The following HIP1 variants were observed in gnomAD, a reference collection of about 807,000 sequenced individuals.
HIP1 encodes the protein huntingtin-interacting protein 1.
HIP1 carries 65 observed loss-of-function variants against 147.6 expected under a neutral mutation model. The observed-to-expected ratio is 0.44, with a 90% confidence interval of 0.36 to 0.54. The LOEUF (loss-of-function observed/expected upper bound fraction) is 0.54, where lower values mean the gene tolerates loss of function less well. Among genes scored for constraint, HIP1 ranks in the 20% least tolerant of loss-of-function variants. The probability of loss-of-function intolerance (pLI) is 0.00; values close to 1 mark genes in which losing one functional copy is unlikely to be tolerated. For synonymous variants in HIP1, 479 were observed against 504.0 expected, an observed-to-expected ratio of 0.95 and a Z score of 0.67; for missense variants, 1,061 against 1,299.6, an observed-to-expected ratio of 0.82 and a Z score of 2.82.
rs116095526 is a variant in HIP1, at chr7:75,583,026, G to A, written c.466-875C>T. Among the ~76,000 whole-genome samples the A allele has an allele frequency of 5.7e-3, 873 of 152,106 alleles. 7 individuals are homozygous for A. The highest frequency in any genetic ancestry group is 0.02 in the African/African-American group (828 of 41,480). On this transcript the variant is annotated intron_variant, in intron 5 of 30. Coordinates refer to ENST00000336926, the MANE Select transcript of HIP1 (RefSeq NM_005338.7). ...CCATCACCTAAAACATCCCTGCCCA[G>A]ACCTCCCCACACCAGCATCTCCCTC... is the stretch of plus-strand genomic sequence containing the variant.
At position 75,595,224 on chromosome 7, in the gene HIP1, CT is replaced by C. The variant is rs1450142173; in HGVS notation, c.185-2711del. Among the ~76,000 whole-genome samples, 25 of 100,114 alleles carry C rather than the reference CT, an allele frequency of 2.5e-4. 1 individual carries two copies. The highest frequency in any genetic ancestry group is 9.9e-4 in the African/African-American group (20 of 20,260). 65.7% of individuals were successfully genotyped at this position (100,114 alleles called of 152,430 possible). Reference sequence around the variant, plus strand: ...TCTTTCTTTCTTTCTTTCTTTCTTTCTTTCTTTCTTTCTTTCTTTCTTTCTT... The same window carrying C: ...TCTTTCTTTCTTTCTTTCTTTCTTTCTTCTTTCTTTCTTTCTTTCTTTCTT... On this transcript the variant is annotated intron_variant, in intron 2 of 30. Coordinates refer to ENST00000336926, the MANE Select transcript of HIP1 (RefSeq NM_005338.7).
Position 75,554,588 on chromosome 7 carries a change from A to C in HIP1, c.1964-62T>G, listed in dbSNP as rs747310881. 3.8e-4 allele frequency: 463 copies of C among 1,228,430 alleles called. 2 individuals are homozygous for C. Among genetic ancestry groups the C allele is most frequent in the Non-Finnish European group, 5.3e-4 (445 of 833,560 alleles). The allele number at this position is 1,228,430 out of a possible 1,614,324, so 76.1% of individuals were successfully genotyped here. The stretch of plus-strand genomic sequence containing the variant: ...TCTCATAGCTGGCTTCATCCTCGTT[A>C]ATTAAGCACTGAATGGAGGAGCTTA... On this transcript the variant is annotated intron_variant, in intron 19 of 30. Transcript: ENST00000336926.
intron 1 of HIP1, among the ~76,000 whole-genome samples, chr7:75,649,477 C>A (rs1798905201): frequency 6.6e-6 from 1 of 152,136 alleles, no homozygotes; most frequent in Non-Finnish European, 1.5e-5. Context: ...ACCTCTGAAT[C>A]TGAGAGGGCA....
At chr7:75,573,702 G>A in intron 8 of HIP1, 59 bp downstream of exon 8, 2 of 1,553,064 alleles carry the variant, frequency 1.3e-6, no homozygotes, top group South Asian at 2.3e-5. Flanking sequence ...ACATCCTCAG[G>A]CTGGGATCCT....
rs67030357 is a variant in HIP1, at chr7:75,538,570, CTTTTTTTTTTTT to C, written c.3062-358_3062-347del. On this transcript the variant is annotated intron_variant, in intron 30 of 30. Coordinates refer to ENST00000336926, the MANE Select transcript of HIP1 (RefSeq NM_005338.7). ...TCCATTTCTCAGCACCTGATCCCTT[CTTTTTTTTTTTT>C]TTTTTTTTTTGAGATGGAGTCTCGC... 5.3e-5 allele frequency among the ~76,000 whole-genome samples: 6 copies of C among 112,932 alleles called. No homozygotes were observed. The East Asian group carries it at 7.3e-4, about 14-fold the overall frequency. The allele number at this position is 112,932 out of a possible 152,430, so 74.1% of individuals were successfully genotyped here.
At chr7:75,548,558 T>C (rs1468552342) in intron 23 of HIP1, among the ~76,000 whole-genome samples, 1 of 152,048 alleles carries the variant, frequency 6.6e-6, no homozygotes, top group African/African-American at 2.4e-5. Context: ...TGGCTCACTG[T>C]AGCCTCCAAT....
intron 1 of HIP1, among the ~76,000 whole-genome samples, chr7:75,609,742 GA>G (rs1342955530): frequency 3.2e-4 from 48 of 151,800 alleles, no homozygotes; most frequent in African/African-American, 1.2e-3. Context: ...ATTTTTAGAA[GA>G]GACGGGGTTT....
chr7:75,672,867 G>A (rs1799766862), intron 1 of HIP1, among the ~76,000 whole-genome samples: 1 of 152,038 alleles, frequency 6.6e-6, no homozygotes, highest in African/African-American at 2.4e-5. Flanking sequence ...GAAGAGTCTT[G>A]TCATCCTTGT....
chr7:75,582,462 G>A (rs587766911), intron 5 of HIP1, among the ~76,000 whole-genome samples: 35 of 152,302 alleles, frequency 2.3e-4, no homozygotes, highest in Admixed American at 2.2e-3. Context: ...AAGGGAAAAG[G>A]CCACAGAGAT....
chr7:75,598,038 C>T (rs1796815377), intron 2 of HIP1, among the ~76,000 whole-genome samples: 1 of 152,126 alleles, frequency 6.6e-6, no homozygotes, highest in African/African-American at 2.4e-5. Flanking sequence ...TTGTCTTCTT[C>T]CCCCTGGCAT....
At chr7:75,582,563 C>A (rs1554498819) in intron 5 of HIP1, among the ~76,000 whole-genome samples, 1 of 152,116 alleles carries the variant, frequency 6.6e-6, no homozygotes, top group Non-Finnish European at 1.5e-5. Context: ...GTAATCCCAG[C>A]ACTTTGGGGG....
Position 75,554,673 on chromosome 7 carries a change from G to A in HIP1, c.1964-147C>T, listed in dbSNP as rs587703055. 63 of 610,564 alleles carry A rather than the reference G, an allele frequency of 1.0e-4. 1 individual carries two copies. The South Asian group carries it at 1.2e-3, about 12-fold the overall frequency. 37.8% of individuals were successfully genotyped at this position (610,564 alleles called of 1,614,324 possible). A position where few individuals can be genotyped will look rare whatever the true frequency, so the allele number is the denominator to read the frequency against. On this transcript the variant is annotated intron_variant, in intron 19 of 30. Coordinates refer to ENST00000336926, the MANE Select transcript of HIP1 (RefSeq NM_005338.7). ...TCATGAGTAATCACCTCTTGATTCAGACCATAGTTTTTTCCTTAGAGAAAC... is the reference window on the plus strand; with the variant it reads ...TCATGAGTAATCACCTCTTGATTCAAACCATAGTTTTTTCCTTAGAGAAAC...
intron 1 of HIP1, among the ~76,000 whole-genome samples, chr7:75,660,337 G>C (rs900746656): frequency 6.6e-6 from 1 of 151,234 alleles, no homozygotes; most frequent in Non-Finnish European, 1.5e-5. Context: ...GACCAGCCTG[G>C]CCAACATGGC....
intron 1 of HIP1, among the ~76,000 whole-genome samples, chr7:75,724,979 G>A (rs937025704): frequency 6.6e-6 from 1 of 152,196 alleles, no homozygotes; most frequent in Non-Finnish European, 1.5e-5. Context: ...GTAAGGGGCA[G>A]GTTCTTAGAC....
At position 75,730,361 on chromosome 7, in the gene HIP1, C is replaced by T. The variant is rs1284279770; in HGVS notation, c.120+8440G>A. Among the ~76,000 whole-genome samples, 29 of 147,506 alleles carry T rather than the reference C, an allele frequency of 2.0e-4. 1 individual carries two copies. Among genetic ancestry groups the T allele is most frequent in the African/African-American group, 4.0e-4 (16 of 39,712 alleles). On this transcript the variant is annotated intron_variant, in intron 1 of 30. Transcript: ENST00000336926. ...ATAGGATTTTTTTTTTTTTTTGAGA[C>T]GGAGTTTCGCTCTTGTTGCCCAGGC... is the stretch of plus-strand genomic sequence containing the variant.
chr7:75,605,675 A>C (rs1045610894), intron 1 of HIP1, among the ~76,000 whole-genome samples: 10 of 152,088 alleles, frequency 6.6e-5, no homozygotes, highest in African/African-American at 2.4e-4. Flanking sequence ...TGGGATTATA[A>C]TAGTTGCACA....
intron 1 of HIP1, among the ~76,000 whole-genome samples, chr7:75,657,705 A>G (rs1466087873): frequency 6.6e-6 from 1 of 151,920 alleles, no homozygotes; most frequent in Non-Finnish European, 1.5e-5. Context: ...GCACAGACAT[A>G]ATGCTGGGAA....
At chr7:75,721,989 T>C (rs192590829) in intron 1 of HIP1, among the ~76,000 whole-genome samples, 1 of 152,244 alleles carries the variant, frequency 6.6e-6, no homozygotes, top group African/African-American at 2.4e-5. Flanking sequence ...TAACTGACAG[T>C]GTAACTGACA....
intron 16 of HIP1, 66 bp from the exon 17 acceptor site, chr7:75,556,877 A>G: frequency 3.0e-6 from 3 of 985,042 alleles, no homozygotes; most frequent in Non-Finnish European, 3.2e-6. Context: ...TAAAAATGTA[A>G]AAACGTCCCA....
Sources: gnomAD v4.1 joint callset for allele counts (sites outside exome capture counted in the v4.1 genomes callset) on GRCh38, gnomAD v4.1.1 for gene constraint, MANE v1.5 for transcripts, NCBI Gene and HGNC (gene_info 2026-07-23, HGNC 2026-07-21) for gene names.